The following NOS1AP variants were observed in gnomAD, a reference collection of about 807,000 sequenced individuals.
NOS1AP encodes the protein nitric oxide synthase 1 adaptor protein.
In NOS1AP, 21 loss-of-function variants were observed where a neutral mutation model predicts 56.2. That is an observed-to-expected ratio of 0.37 (90% CI 0.26 to 0.54). The LOEUF is 0.54. NOS1AP is among the 20% of genes least tolerant of loss of function. NOS1AP has a pLI of 0.84. For missense variants in NOS1AP, 522 were observed against 657.8 expected, an observed-to-expected ratio of 0.79 and a Z score of 2.26; for synonymous variants, 270 against 274.6, an observed-to-expected ratio of 0.98 and a Z score of 0.17.
chr1:162,269,884 G>A (rs993663526), intron 2 of NOS1AP, among the ~76,000 whole-genome samples: 1 of 152,146 alleles, frequency 6.6e-6, no homozygotes, highest in African/African-American at 2.4e-5. Context: ...GTCAAACGGG[G>A]TGGGTCTGTG....
In NOS1AP at chr1:162,327,990, T is replaced by C. The variant is rs150311543; in HGVS notation, c.345-5027T>C. ...ATGAAGAAGTCATTAATATGCCTAT[T>C]TTAGATGAGGAAATGAAGGATTATG... is the stretch of plus-strand genomic sequence containing the variant. On this transcript the variant is annotated intron_variant, in intron 4 of 9. Coordinates refer to ENST00000361897, the MANE Select transcript of NOS1AP (RefSeq NM_014697.3). Among the ~76,000 whole-genome samples the C allele has an allele frequency of 2.0e-5, 3 of 152,310 alleles. No individual in the cohort carries two copies. In the East Asian group the frequency reaches 5.8e-4, roughly 29 times the overall value.
intron 2 of NOS1AP, among the ~76,000 whole-genome samples, chr1:162,283,277 G>A (rs774924067): frequency 2.6e-5 from 4 of 151,920 alleles, no homozygotes; most frequent in Non-Finnish European, 4.4e-5. Flanking sequence ...GCATCTGATG[G>A]CCCCAGCCCT....
At chr1:162,179,075 A>G (rs1651165154) in intron 2 of NOS1AP, among the ~76,000 whole-genome samples, 1 of 151,782 alleles carries the variant, frequency 6.6e-6, no homozygotes, top group Non-Finnish European at 1.5e-5. Context: ...TCATTAGCTC[A>G]TCTCCTGGAC....
At chr1:162,335,338 T>A (rs1656905187) in intron 5 of NOS1AP, among the ~76,000 whole-genome samples, 1 of 152,176 alleles carries the variant, frequency 6.6e-6, no homozygotes, top group South Asian at 2.1e-4. Flanking sequence ...TGCTGAGCTG[T>A]AGGTGGGAAG....
At chr1:162,078,073 C>T (rs1691809141) in intron 1 of NOS1AP, among the ~76,000 whole-genome samples, 1 of 152,184 alleles carries the variant, frequency 6.6e-6, no homozygotes, top group East Asian at 1.9e-4. Flanking sequence ...TTGCCCCTGC[C>T]CATACCTCCT....
intron 2 of NOS1AP, among the ~76,000 whole-genome samples, chr1:162,265,029 G>T (rs528365517): frequency 6.6e-6 from 1 of 151,928 alleles, no homozygotes; most frequent in Non-Finnish European, 1.5e-5. Flanking sequence ...TGACCAGGCT[G>T]GCCTTGAACT....
rs1658052312 is a variant in NOS1AP, at chr1:162,365,433, T to C, written c.969T>C (p.Ala323=). The part of the protein sequence containing the change: ...QVHLLKDQLA[A]EAAARLEAQA... ...ACTTGCTGAAGGACCAGTTGGCTGC[T>C]GAGGCTGCGGCGCGGCTGGAGGCCC... The change falls in exon 9 of 10, where the codon GCT becomes GCC. Residue 323 remains alanine (A), a synonymous_variant. Transcript: ENST00000361897. The C allele has an allele frequency of 8.7e-6, 14 of 1,614,016 alleles. No individual in the cohort carries two copies. The highest frequency in any genetic ancestry group is 9.3e-6 in the Non-Finnish European group (11 of 1,180,056).
intron 2 of NOS1AP, among the ~76,000 whole-genome samples, chr1:162,276,381 T>C (rs1654733951): frequency 6.6e-6 from 1 of 152,158 alleles, no homozygotes; most frequent in South Asian, 2.1e-4. Context: ...CATCAGTCAG[T>C]CCCAGTGAAG....
At chr1:162,256,101 G>A (rs566053845) in intron 2 of NOS1AP, among the ~76,000 whole-genome samples, 25 of 151,990 alleles carry the variant, frequency 1.6e-4, no homozygotes, top group African/African-American at 4.8e-4. Flanking sequence ...CCAAGATCGC[G>A]CCACTGCATT....
chr1:162,128,926 G>A lies in NOS1AP; in HGVS notation c.106-25479G>A, dbSNP rs368643063. Among the ~76,000 whole-genome samples the A allele has an allele frequency of 9.9e-5, 15 of 152,266 alleles. No homozygotes were observed. In the East Asian group the frequency reaches 2.3e-3, roughly 23 times the overall value. Reference sequence around the variant, plus strand: ...CTTAGTGGCTGTTGAGTCACTTAAGGGTGGATTCCAATGGAACCATTGATT... The same window carrying A: ...CTTAGTGGCTGTTGAGTCACTTAAGAGTGGATTCCAATGGAACCATTGATT... On this transcript the variant is annotated intron_variant, in intron 1 of 9. Coordinates refer to ENST00000361897, the MANE Select transcript of NOS1AP (RefSeq NM_014697.3).
chr1:162,300,727 C>A, intron 4 of NOS1AP, 21 bp downstream of exon 4: 1 of 1,611,006 alleles, frequency 6.2e-7, no homozygotes, highest in South Asian at 1.1e-5. Context: ...AGTCCAGCAC[C>A]CAAGATATCA....
chr1:162,081,774 A>ATATATTTTTTTTTTTTTTTTTTTTTTTT, intron 1 of NOS1AP, among the ~76,000 whole-genome samples: 10 of 44,052 alleles, frequency 2.3e-4, no homozygotes, highest in African/African-American at 6.9e-4. Context: ...ATATATATAT[A>ATATATTTTTTTTTTTTTTTTTTTTTTTT]TTTTTTTTTT....
At position 162,164,513 on chromosome 1, in the gene NOS1AP, A is replaced by G. The variant is rs565855279; in HGVS notation, c.177+10037A>G. Among the ~76,000 whole-genome samples the G allele has an allele frequency of 5.4e-4, 83 of 152,318 alleles. 1 individual carries two copies. The South Asian group carries it at 0.016, about 29-fold the overall frequency. On this transcript the variant is annotated intron_variant, in intron 2 of 9. Coordinates refer to ENST00000361897, the MANE Select transcript of NOS1AP (RefSeq NM_014697.3). Reference sequence around the variant, plus strand: ...AGATGAACTCTGTACCCATTAAACAATAGCTCTGTTTTCCCGTAGCCCTTG... The same window carrying G: ...AGATGAACTCTGTACCCATTAAACAGTAGCTCTGTTTTCCCGTAGCCCTTG...
At position 162,188,056 on chromosome 1, in the gene NOS1AP, A is replaced by G. The variant is rs1651499912; in HGVS notation, c.177+33580A>G. 6.6e-6 allele frequency among the ~76,000 whole-genome samples: 1 copy of G among 152,214 alleles called. No individual in the cohort carries two copies. Among genetic ancestry groups the G allele is most frequent in the Non-Finnish European group, 1.5e-5 (1 of 68,038 alleles). The stretch of plus-strand genomic sequence containing the variant: ...AAGCCCCTTCCTAGCAAGGAAAACT[A>G]GCAGCAGCCCAAAGCCAAAACCAGT... On this transcript the variant is annotated intron_variant, in intron 2 of 9. Transcript: ENST00000361897. The surrounding 1 kb of genome is among the most constrained non-coding windows in gnomAD (Gnocchi z 4.0).
rs762794853 is a variant in NOS1AP, at chr1:162,365,420, A to G, written c.956A>G (p.Asp319Gly). The G allele has an allele frequency of 1.2e-6, 2 of 1,614,112 alleles. No individual in the cohort carries two copies. Among genetic ancestry groups the G allele is most frequent in the African/African-American group, 1.3e-5 (1 of 75,048 alleles). ...VAVAQVHLLK[D>G]QLAAEAAARL... ...TCTCTGCAGGTACACTTGCTGAAGG[A>G]CCAGTTGGCTGCTGAGGCTGCGGCG... The change falls in exon 9 of 10, where the codon GAC becomes GGC. Residue 319 changes from aspartate (D) to glycine (G), a missense_variant. Physicochemically the swap from Asp to Gly is moderately conservative, Grantham distance 94 (BLOSUM62 -1). Around this residue, in one of 4 missense-constraint regions of NOS1AP, gnomAD observed 52 missense variants for 94.5 expected, o/e 0.55. Coordinates refer to ENST00000361897, the MANE Select transcript of NOS1AP (RefSeq NM_014697.3).
rs932819059 is a variant in NOS1AP, at chr1:162,153,886, C to T, written c.106-519C>T. Reference sequence around the variant, plus strand: ...AATTAATTCATTTCTTTCCTCCAGTCGGGAACTTAATCAAATGTGTCAGGT... The same window carrying T: ...AATTAATTCATTTCTTTCCTCCAGTTGGGAACTTAATCAAATGTGTCAGGT... On this transcript the variant is annotated intron_variant, in intron 1 of 9. Coordinates refer to ENST00000361897, the MANE Select transcript of NOS1AP (RefSeq NM_014697.3). Among the ~76,000 whole-genome samples the T allele has an allele frequency of 7.2e-5, 11 of 151,960 alleles. No homozygotes were observed. The South Asian group carries it at 2.1e-3, about 29-fold the overall frequency.
intron 1 of NOS1AP, among the ~76,000 whole-genome samples, chr1:162,088,167 C>G (rs1170916739): frequency 1.3e-5 from 2 of 152,076 alleles, no homozygotes; most frequent in East Asian, 3.9e-4. Context: ...TTGAGAGCCC[C>G]AGGGGTTGTC....
At chr1:162,195,215 G>GTCA (rs1240335206) in intron 2 of NOS1AP, among the ~76,000 whole-genome samples, 1 of 152,138 alleles carries the variant, frequency 6.6e-6, no homozygotes, top group African/African-American at 2.4e-5. Flanking sequence ...AATGGAAGCT[G>GTCA]TCATCGTGAA....
chr1:162,277,558 T>C (rs374648273), intron 2 of NOS1AP, among the ~76,000 whole-genome samples: 5 of 152,194 alleles, frequency 3.3e-5, no homozygotes, highest in South Asian at 4.1e-4. Flanking sequence ...CCTTATCTCT[T>C]GCTCATCATG....
Sources: gnomAD v4.1 joint callset for allele counts (sites outside exome capture counted in the v4.1 genomes callset) on GRCh38, gnomAD v4.1.1 for gene constraint, gnomAD v4.1.1 regional missense constraint, Gnocchi (gnomAD v3.1) non-coding constraint, MANE v1.5 for transcripts, NCBI Gene and HGNC (gene_info 2026-07-23, HGNC 2026-07-21) for gene names.